Variants in ZBTB20 observed in about 807,000 individuals in gnomAD.
The protein encoded by ZBTB20 is zinc finger and BTB domain containing 20, also known as zinc finger and BTB domain-containing protein 20.
ZBTB20 carries 9 observed loss-of-function variants against 56.9 expected under a neutral mutation model. That is an observed-to-expected ratio of 0.16 (90% CI 0.10 to 0.28). The LOEUF is 0.28. Among genes scored for constraint, ZBTB20 ranks in the 10% least tolerant of loss-of-function variants. ZBTB20 has a pLI of 1.00. For synonymous variants in ZBTB20, 417 were observed against 420.7 expected (o/e 0.99, Z 0.11); for missense variants, 655 against 1,003.0 (o/e 0.65, Z 4.69).
At chr3:115,039,569 T>C (rs1367617907) in intron 2 of ZBTB20, among the ~76,000 whole-genome samples, 1 of 152,108 alleles carries the variant, frequency 6.6e-6, no homozygotes, top group African/African-American at 2.4e-5. Flanking sequence ...AATATGATTC[T>C]ATTAGTCTTC....
intron 7 of ZBTB20, among the ~76,000 whole-genome samples, chr3:114,489,343 G>A (rs994134379): frequency 6.6e-6 from 1 of 152,066 alleles, no homozygotes; most frequent in South Asian, 2.1e-4. Flanking sequence ...ACTTTGAGAT[G>A]TACATCATAG....
At chr3:115,140,551 G>A (rs892358028) in intron 1 of ZBTB20, among the ~76,000 whole-genome samples, 18 of 152,158 alleles carry the variant, frequency 1.2e-4, no homozygotes, top group African/African-American at 4.1e-4. Flanking sequence ...GTGTGTATGT[G>A]TGTGTGGTGG....
rs1042468422 is a variant in ZBTB20 at position 114,352,769 on chromosome 3, A to G, written c.200-891T>C. Among the ~76,000 whole-genome samples the G allele has an allele frequency of 2.0e-5, 3 of 152,216 alleles. No individual in the cohort carries two copies. In the East Asian group the frequency reaches 5.8e-4, roughly 29 times the overall value. On this transcript the variant is annotated intron_variant, in intron 10 of 11. Coordinates refer to ENST00000675478, the MANE Select transcript of ZBTB20 (RefSeq NM_001348800.3). ...ACATTGGTGATCATATTTATTATGC[A>G]AACAGGGCACTTTCAAGAGTGAAAG...
At chr3:115,000,794 A>T (rs1293821062) in intron 2 of ZBTB20, among the ~76,000 whole-genome samples, 1 of 151,484 alleles carries the variant, frequency 6.6e-6, no homozygotes, top group Admixed American at 6.6e-5. Flanking sequence ...CAAACAAAAA[A>T]CCTCATTATA....
intron 1 of ZBTB20, among the ~76,000 whole-genome samples, chr3:115,126,895 G>A (rs1424740776): frequency 6.6e-6 from 1 of 151,936 alleles, no homozygotes; most frequent in Non-Finnish European, 1.5e-5. Context: ...ATGAATGAAA[G>A]AAAAAAGGAG....
intron 3 of ZBTB20, among the ~76,000 whole-genome samples, chr3:114,900,895 G>A (rs2075091943): frequency 6.6e-6 from 1 of 152,164 alleles, no homozygotes. Flanking sequence ...ATTGCTACAA[G>A]AAGGAATGCT....
At chr3:114,927,325 T>C (rs1448880358) in intron 3 of ZBTB20, among the ~76,000 whole-genome samples, 1 of 152,236 alleles carries the variant, frequency 6.6e-6, no homozygotes, top group African/African-American at 2.4e-5. Context: ...TGTTGATTGA[T>C]GTCTCATGCC....
intron 2 of ZBTB20, among the ~76,000 whole-genome samples, chr3:115,046,789 T>A (rs2081349297): frequency 6.6e-6 from 1 of 152,176 alleles, no homozygotes; most frequent in Non-Finnish European, 1.5e-5. Flanking sequence ...ACAATGACAC[T>A]TTCGCAGTCA....
intron 1 of ZBTB20, among the ~76,000 whole-genome samples, chr3:115,134,280 A>AT (rs2084593933): frequency 6.6e-6 from 1 of 152,152 alleles, no homozygotes; most frequent in South Asian, 2.1e-4. Context: ...TTCTATGTAG[A>AT]TTTTTTTAAC....
intron 4 of ZBTB20, among the ~76,000 whole-genome samples, chr3:114,852,364 A>T (rs1350046155): frequency 6.6e-6 from 1 of 151,900 alleles, no homozygotes; most frequent in Non-Finnish European, 1.5e-5. Context: ...CCCAGCTTCA[A>T]GTGATTCTCC....
intron 6 of ZBTB20, among the ~76,000 whole-genome samples, chr3:114,578,479 T>A (rs1178414219): frequency 6.6e-6 from 1 of 151,970 alleles, no homozygotes; most frequent in African/African-American, 2.4e-5. Context: ...AGTTCATGAC[T>A]AATAATTCAA....
rs76724570 is a variant in ZBTB20, at chr3:114,333,323, C to G, written c.*5682G>C. On this transcript the variant is annotated 3_prime_UTR_variant, in exon 12 of 12. Transcript: ENST00000675478. Reference sequence around the variant, plus strand: ...CTCAAGAGCAAGGGCTCTTCCGTGCCCCTTTTCTGCCTCTGTATGTAGCCT... The same window carrying G: ...CTCAAGAGCAAGGGCTCTTCCGTGCGCCTTTTCTGCCTCTGTATGTAGCCT... 2.0e-5 allele frequency: 3 copies of G among 152,164 alleles called. No homozygotes were observed. Among genetic ancestry groups the G allele is most frequent in the Non-Finnish European group, 4.4e-5 (3 of 68,028 alleles). The allele number at this position is 152,164 out of a possible 1,614,324, so 9.4% of individuals were successfully genotyped here.
intron 5 of ZBTB20, among the ~76,000 whole-genome samples, chr3:114,706,087 AAGAGAG>A (rs149647100): frequency 6.6e-6 from 1 of 150,430 alleles, no homozygotes; most frequent in Non-Finnish European, 1.5e-5. Context: ...GATGTAGAGA[AAGAGAG>A]AGAGAGAGAG....
intron 3 of ZBTB20, among the ~76,000 whole-genome samples, chr3:114,902,382 T>G (rs1322107162): frequency 6.6e-6 from 1 of 152,182 alleles, no homozygotes; most frequent in African/African-American, 2.4e-5. Context: ...GGACACACCT[T>G]ACCCTCATTG....
chr3:114,666,694 C>A (rs980733582), intron 6 of ZBTB20, among the ~76,000 whole-genome samples: 2 of 151,920 alleles, frequency 1.3e-5, no homozygotes, highest in African/African-American at 4.8e-5. Flanking sequence ...AAGCATTTTT[C>A]TTTTCACTTG....
At chr3:114,844,051 A>C (rs1482223995) in intron 4 of ZBTB20, among the ~76,000 whole-genome samples, 4 of 151,904 alleles carry the variant, frequency 2.6e-5, no homozygotes, top group African/African-American at 9.7e-5. Context: ...TAAAAATTGT[A>C]AACAGTCTAA....
chr3:114,470,448 G>C (rs946776869), intron 7 of ZBTB20, among the ~76,000 whole-genome samples: 5 of 152,018 alleles, frequency 3.3e-5, no homozygotes, highest in Non-Finnish European at 5.9e-5. Flanking sequence ...GGTTATATGT[G>C]GAAGACAGGC....
intron 6 of ZBTB20, among the ~76,000 whole-genome samples, chr3:114,672,601 C>G (rs953056266): frequency 6.6e-6 from 1 of 152,156 alleles, no homozygotes; most frequent in East Asian, 1.9e-4. Flanking sequence ...GCCAGCCTAC[C>G]TTACTGTAAA....
chr3:114,687,274 A>G (rs2062400527), intron 6 of ZBTB20: 1 of 149,074 alleles, frequency 6.7e-6, no homozygotes, highest in Non-Finnish European at 1.5e-5. Flanking sequence ...TTTCCTTTCC[A>G]GCAGCAGAAA....
Sources: gnomAD v4.1 joint callset for allele counts (sites outside exome capture counted in the v4.1 genomes callset) on GRCh38, gnomAD v4.1.1 for gene constraint, MANE v1.5 for transcripts, NCBI Gene and HGNC (gene_info 2026-07-23, HGNC 2026-07-21) for gene names.